Variants in PDIA5 observed in about 807,000 individuals in gnomAD.
PDIA5 encodes the protein protein disulfide-isomerase A5.
Under a neutral mutation model 77.6 loss-of-function variants are expected in PDIA5, and 58 were observed. That is an observed-to-expected ratio of 0.75 (90% CI 0.61 to 0.93). PDIA5 has a LOEUF of 0.93. PDIA5 is among the 40% of genes least tolerant of loss of function. PDIA5 has a pLI of 0.00. For synonymous variants in PDIA5, 250 were observed against 252.1 expected, an observed-to-expected ratio of 0.99 and a Z score of 0.08; for missense variants, 630 against 647.7, an observed-to-expected ratio of 0.97 and a Z score of 0.30.
chr3:123,152,443 C>T lies in PDIA5; in HGVS notation c.1273+2079C>T, dbSNP rs114928422. 5.8e-3 allele frequency among the ~76,000 whole-genome samples: 881 copies of T among 152,282 alleles called. 3 individuals carry two copies. The highest frequency in any genetic ancestry group is 0.02 in the African/African-American group (816 of 41,544). On this transcript the variant is annotated intron_variant, in intron 14 of 16. Coordinates refer to ENST00000316218, the MANE Select transcript of PDIA5 (RefSeq NM_006810.4). ...CCCTAAACCTTGCCCCAGGGACATACATCTTTATCAGTGGGTTACAGGGGG... is the reference window on the plus strand; with the variant it reads ...CCCTAAACCTTGCCCCAGGGACATATATCTTTATCAGTGGGTTACAGGGGG...
chr3:123,135,794 C>G (rs1236733154), intron 11 of PDIA5, among the ~76,000 whole-genome samples: 2 of 35,070 alleles, frequency 5.7e-5, no homozygotes, highest in Non-Finnish European at 5.7e-5. Context: ...TCTTGCTAGT[C>G]TTTTTCATTT....
chr3:123,090,037 A>C (rs1041807750), intron 2 of PDIA5, among the ~76,000 whole-genome samples: 1 of 152,234 alleles, frequency 6.6e-6, no homozygotes, highest in Non-Finnish European at 1.5e-5. Flanking sequence ...GCCCTGGAGA[A>C]GCAGCAGCCA....
intron 11 of PDIA5, among the ~76,000 whole-genome samples, chr3:123,142,186 G>A (rs993240335): frequency 2.6e-5 from 4 of 152,212 alleles, no homozygotes; most frequent in South Asian, 2.1e-4. Context: ...TAGAGGGAGC[G>A]GCCTGCCTGC....
At chr3:123,130,881 T>C (rs1298602663) in intron 11 of PDIA5, among the ~76,000 whole-genome samples, 3 of 152,134 alleles carry the variant, frequency 2.0e-5, no homozygotes, top group African/African-American at 7.2e-5. Flanking sequence ...CCACCACCCC[T>C]AGCTCTGAGC....
In PDIA5 at chr3:123,124,078, A is replaced by G. The variant is rs1463869507; in HGVS notation, c.622A>G (p.Met208Val). The G allele has an allele frequency of 6.2e-7, 1 of 1,613,626 alleles. No individual in the cohort carries two copies. The highest frequency in any genetic ancestry group is 1.1e-5 in the South Asian group (1 of 91,070). Residue 208 changes from methionine (M) to valine (V), a missense_variant, in exon 9 of 17, where the codon ATG (methionine) becomes GTG (valine). Transcript: ENST00000316218. The stretch of plus-strand genomic sequence containing the variant: ...CGCTTCCTCCCAGGTGCTGGCCGGG[A>G]TGAATGTCTACTCCTCTGAATTTGA... Reference protein sequence around the residue: ...QLRGHAVLAGMNVYSSEFENI... With the variant: ...QLRGHAVLAGVNVYSSEFENI...
At chr3:123,132,414 T>C (rs2589602) in intron 11 of PDIA5, among the ~76,000 whole-genome samples, 106,771 of 152,178 alleles carry the variant, frequency 0.7, 38,586 homozygotes, top group Non-Finnish European at 0.8. Flanking sequence ...TCTAAAGGAC[T>C]CTAAAGGAAT....
At chr3:123,159,291 C>G (rs900693905) in intron 15 of PDIA5, among the ~76,000 whole-genome samples, 4 of 152,216 alleles carry the variant, frequency 2.6e-5, no homozygotes, top group Non-Finnish European at 5.9e-5. Context: ...GGCCCCATAG[C>G]ACCTGCCCTG....
intron 7 of PDIA5, among the ~76,000 whole-genome samples, chr3:123,114,646 C>T (rs965798326): frequency 1.6e-4 from 25 of 152,242 alleles, no homozygotes; most frequent in African/African-American, 5.8e-4. Context: ...AGCGTTGTTC[C>T]TGCTTCTGTT....
chr3:123,096,014 C>A (rs185658083), intron 3 of PDIA5, among the ~76,000 whole-genome samples: 1 of 152,082 alleles, frequency 6.6e-6, no homozygotes, highest in South Asian at 2.1e-4. Flanking sequence ...TGGCTGTGGG[C>A]GTGTGCCTTC....
At chr3:123,097,815 G>C (rs145533930) in intron 3 of PDIA5, among the ~76,000 whole-genome samples, 1 of 152,178 alleles carries the variant, frequency 6.6e-6, no homozygotes, top group African/African-American at 2.4e-5. Flanking sequence ...ACCAGGGCTG[G>C]TGGGAGGAAG....
chr3:123,068,926 G>A (rs1034915109), intron 1 of PDIA5, among the ~76,000 whole-genome samples: 24 of 152,218 alleles, frequency 1.6e-4, no homozygotes, highest in African/African-American at 5.3e-4. Flanking sequence ...AGGTGGTAGG[G>A]TTGAACAGAG....
rs143822470 is a variant in PDIA5 at position 123,127,459 on chromosome 3, C to T, written c.774-3021C>T. 3.5e-3 allele frequency among the ~76,000 whole-genome samples: 539 copies of T among 152,330 alleles called. 1 individual carries two copies. The highest frequency in any genetic ancestry group is 5.7e-3 in the Non-Finnish European group (390 of 68,032). ...CTTTATAAAGTTACAAAGCATCTCA[C>T]ATCCATTCTCGGCCTATATGAGCCT... On this transcript the variant is annotated intron_variant, in intron 10 of 16. Coordinates refer to ENST00000316218, the MANE Select transcript of PDIA5 (RefSeq NM_006810.4).
chr3:123,124,045 C>T (rs1316429677), intron 8 of PDIA5, 21 bp from the exon 9 acceptor site: 11 of 1,558,756 alleles, frequency 7.1e-6, no homozygotes, highest in East Asian at 2.2e-5. Context: ...CTCCACACGG[C>T]TCTTCTCCGC....
At chr3:123,148,575 A>T (rs913103583) in intron 13 of PDIA5, among the ~76,000 whole-genome samples, 5 of 152,008 alleles carry the variant, frequency 3.3e-5, no homozygotes, top group African/African-American at 4.8e-5. Flanking sequence ...TCTTAAAAAA[A>T]AAAAAAAGGT....
chr3:123,161,892 A>G lies in PDIA5; in HGVS notation c.1492A>G (p.Thr498Ala). 1 of 1,590,640 alleles carries G rather than the reference A, an allele frequency of 6.3e-7. No individual in the cohort carries two copies. Among genetic ancestry groups the G allele is most frequent in the Non-Finnish European group, 8.6e-7 (1 of 1,159,018 alleles). The change falls in exon 17 of 17, where the codon ACC (threonine) becomes GCC (alanine). Residue 498 changes from threonine to alanine, a missense_variant. Coordinates refer to ENST00000316218, the MANE Select transcript of PDIA5 (RefSeq NM_006810.4). ...YDSDRTELGF[T>A]NYIRALREGD... ...CACTTCCCTGCAGGAATTGGGATTTACCAATTATATTCGAGCCCTCCGGGA... is the reference window on the plus strand; with the variant it reads ...CACTTCCCTGCAGGAATTGGGATTTGCCAATTATATTCGAGCCCTCCGGGA...
intron 1 of PDIA5, among the ~76,000 whole-genome samples, chr3:123,082,739 T>C (rs1158253027): frequency 6.6e-6 from 1 of 152,152 alleles, no homozygotes; most frequent in Non-Finnish European, 1.5e-5. Flanking sequence ...CCAAACATTA[T>C]GTTAGATTCT....
At chr3:123,067,789 G>A (rs1395598216) in intron 1 of PDIA5, among the ~76,000 whole-genome samples, 1 of 152,220 alleles carries the variant, frequency 6.6e-6, no homozygotes, top group African/African-American at 2.4e-5. Flanking sequence ...AGGCGGGCTC[G>A]AGCCTCAGCC....
chr3:123,161,807 T>G (rs1414490932), intron 16 of PDIA5, 73 bp from the exon 17 acceptor site: 1 of 982,940 alleles, frequency 1.0e-6, no homozygotes, highest in Non-Finnish European at 1.6e-6. Flanking sequence ...GCTGGGGGTG[T>G]GGGGAGAGAG....
At chr3:123,150,565 C>T (rs576040681) in intron 14 of PDIA5, among the ~76,000 whole-genome samples, 4 of 152,234 alleles carry the variant, frequency 2.6e-5, no homozygotes, top group East Asian at 3.9e-4. Context: ...TCAGACTCGT[C>T]GGGCTCTCCT....
Sources: allele counts gnomAD v4.1 joint callset (sites outside exome capture counted in the v4.1 genomes callset), GRCh38; gene constraint gnomAD v4.1.1; transcripts MANE v1.5; gene names NCBI Gene and HGNC (gene_info 2026-07-23, HGNC 2026-07-21).